LRP1B: variants seen among roughly 807,000 people sequenced by gnomAD.
LRP1B encodes the protein low-density lipoprotein receptor-related protein 1B.
Under a neutral mutation model 556.6 loss-of-function variants are expected in LRP1B, and 217 were observed. The observed-to-expected ratio is 0.39, with a 90% CI of 0.35 to 0.44. LRP1B has a LOEUF of 0.44. LRP1B is among the 20% of genes least tolerant of loss of function. The probability of loss-of-function intolerance (pLI) is 1.00; values close to 1 mark genes in which losing one functional copy is unlikely to be tolerated. For synonymous variants in LRP1B, 2,047 were observed against 1,865.8 expected (o/e 1.10, Z -2.50); for missense variants, 5,053 against 5,620.8 (o/e 0.90, Z 3.23).
intron 10 of LRP1B, among the ~76,000 whole-genome samples, chr2:141,049,779 C>T (rs1336411938): frequency 6.6e-6 from 1 of 151,926 alleles, no homozygotes; most frequent in African/African-American, 2.4e-5. Context: ...AAATTAAATA[C>T]CAGTTATAGC....
intron 1 of LRP1B, among the ~76,000 whole-genome samples, chr2:141,933,139 A>C (rs1700548901): frequency 6.6e-6 from 1 of 152,072 alleles, no homozygotes; most frequent in Non-Finnish European, 1.5e-5. Flanking sequence ...AGGTTACCTC[A>C]GATATTTTAT....
chr2:141,833,742 C>T (rs770980726), intron 1 of LRP1B, among the ~76,000 whole-genome samples: 12 of 148,328 alleles, frequency 8.1e-5, no homozygotes, highest in East Asian at 3.9e-4. Context: ...AAGTAGCCAA[C>T]GGAAAAAAAA....
intron 2 of LRP1B, among the ~76,000 whole-genome samples, chr2:141,549,361 C>T (rs1392668704): frequency 6.6e-6 from 1 of 152,020 alleles, no homozygotes; most frequent in African/African-American, 2.4e-5. Context: ...CAGATTGAGG[C>T]AACATATAGG....
intron 35 of LRP1B, among the ~76,000 whole-genome samples, chr2:140,729,502 C>T (rs1281440557): frequency 2.6e-5 from 4 of 152,070 alleles, no homozygotes; most frequent in African/African-American, 9.7e-5. Flanking sequence ...AACTACAATA[C>T]ATAAATGTGC....
At chr2:140,962,595 G>A (rs868121094) in intron 18 of LRP1B, among the ~76,000 whole-genome samples, 9 of 152,102 alleles carry the variant, frequency 5.9e-5, no homozygotes, top group Non-Finnish European at 1.0e-4. Flanking sequence ...GTTACACCAC[G>A]ACTGCCTTCC....
At chr2:141,451,813 C>G (rs1681432555) in intron 3 of LRP1B, among the ~76,000 whole-genome samples, 1 of 152,172 alleles carries the variant, frequency 6.6e-6, no homozygotes, top group Non-Finnish European at 1.5e-5. Flanking sequence ...TTTGCCAATA[C>G]TAGCTTTGAA....
chr2:141,940,863 T>C (rs192089177), intron 1 of LRP1B, among the ~76,000 whole-genome samples: 1 of 152,314 alleles, frequency 6.6e-6, no homozygotes, highest in Non-Finnish European at 1.5e-5. Flanking sequence ...TAATCACTCC[T>C]GTTACAGATG....
At chr2:141,936,271 T>C (rs560954599) in intron 1 of LRP1B, among the ~76,000 whole-genome samples, 1 of 152,138 alleles carries the variant, frequency 6.6e-6, no homozygotes, top group South Asian at 2.1e-4. Context: ...TAAGAGTATA[T>C]GAAGGGAAAA....
rs145993875 is a variant in LRP1B at position 140,741,321 on chromosome 2, A to T, written c.5759-24505T>A. On this transcript the variant is annotated intron_variant, in intron 35 of 90. Coordinates refer to ENST00000389484, the MANE Select transcript of LRP1B (RefSeq NM_018557.3). ...CATGCCAGGCAAAGGGAAACACATG[A>T]TCAATCAGTATATTATATATAATAA... 2.4e-3 allele frequency among the ~76,000 whole-genome samples: 365 copies of T among 152,312 alleles called. 5 individuals are homozygous for T. The highest frequency in any genetic ancestry group is 0.02 in the Admixed American group (306 of 15,282).
intron 41 of LRP1B, 69 bp downstream of exon 41, chr2:140,700,181 A>G (rs1311007045): frequency 4.5e-6 from 6 of 1,328,318 alleles, no homozygotes; most frequent in African/African-American, 4.4e-5. Flanking sequence ...TGCAATTACC[A>G]CTATTATTTC....
chr2:141,104,844 T>G (rs1229793733), intron 7 of LRP1B, among the ~76,000 whole-genome samples: 1 of 152,038 alleles, frequency 6.6e-6, no homozygotes, highest in Non-Finnish European at 1.5e-5. Context: ...TAAAAACACC[T>G]GCCTGTCGTT....
At chr2:140,829,302 G>A (rs1691634599) in intron 31 of LRP1B, among the ~76,000 whole-genome samples, 1 of 152,118 alleles carries the variant, frequency 6.6e-6, no homozygotes, top group Non-Finnish European at 1.5e-5. Context: ...CATTTACAGA[G>A]TATTTTGTCC....
intron 49 of LRP1B, among the ~76,000 whole-genome samples, chr2:140,520,412 A>C (rs1690110423): frequency 3.9e-5 from 6 of 152,128 alleles, no homozygotes; most frequent in Admixed American, 3.9e-4. Flanking sequence ...CAATGAGAAC[A>C]CTTGGACACA....
intron 1 of LRP1B, among the ~76,000 whole-genome samples, chr2:142,010,554 CAAAAAAAAAAAAAAA>C (rs33927334): frequency 0.012 from 705 of 60,282 alleles, 12 homozygotes; most frequent in African/African-American, 0.043. Flanking sequence ...GATTCTGTCT[CAAAAAAAAAAAAAAA>C]AAAAAAAAAA....
At chr2:140,592,938 ACAC>A (rs1682287122) in intron 43 of LRP1B, among the ~76,000 whole-genome samples, 1 of 18,736 alleles carries the variant, frequency 5.3e-5, no homozygotes, top group Admixed American at 6.5e-4. Context: ...AGATCCTGAC[ACAC>A]ACACACACAC....
chr2:140,467,651 T>C (rs993306990), intron 60 of LRP1B, among the ~76,000 whole-genome samples: 5 of 133,804 alleles, frequency 3.7e-5, no homozygotes, highest in African/African-American at 1.1e-4. Context: ...AAGGTGGAGG[T>C]GGAGGCTTTG....
chr2:140,239,654 G>A (rs1323607403), intron 87 of LRP1B, 122 bp from the exon 88 acceptor site: 1 of 528,186 alleles, frequency 1.9e-6, no homozygotes, highest in African/African-American at 2.0e-5. Flanking sequence ...TAGCCCAAAT[G>A]TTTATATTTC....
At chr2:141,825,833 T>C (rs1376849903) in intron 1 of LRP1B, among the ~76,000 whole-genome samples, 1 of 152,172 alleles carries the variant, frequency 6.6e-6, no homozygotes, top group African/African-American at 2.4e-5. Flanking sequence ...GAGGTAACCA[T>C]AAGGACCCAA....
chr2:141,133,864 C>T (rs1217537137), intron 7 of LRP1B, among the ~76,000 whole-genome samples: 1 of 151,944 alleles, frequency 6.6e-6, no homozygotes, highest in Admixed American at 6.6e-5. Context: ...CCAGCTATCT[C>T]TCCGAAGGTC....
Sources: allele counts gnomAD v4.1 joint callset (sites outside exome capture counted in the v4.1 genomes callset), GRCh38; gene constraint gnomAD v4.1.1; transcripts MANE v1.5; gene names NCBI Gene and HGNC (gene_info 2026-07-23, HGNC 2026-07-21).